CNTNAP2: variants seen among roughly 807,000 people sequenced by gnomAD.
CNTNAP2 encodes contactin associated protein 2.
CNTNAP2 carries 98 observed loss-of-function variants against 155.2 expected under a neutral mutation model. The ratio of observed to expected loss-of-function variants is 0.63; its 90% CI spans 0.54 to 0.75. CNTNAP2 has a LOEUF of 0.75. CNTNAP2 is among the 30% of genes least tolerant of loss of function. The pLI is 0.00. For synonymous variants in CNTNAP2, 651 were observed against 631.2 expected (o/e 1.03, Z -0.47); for missense variants, 1,727 against 1,688.1 (o/e 1.02, Z -0.40).
intron 1 of CNTNAP2, among the ~76,000 whole-genome samples, chr7:146,286,395 G>A (rs531969686): frequency 6.6e-6 from 1 of 151,936 alleles, no homozygotes; most frequent in Non-Finnish European, 1.5e-5. Flanking sequence ...GCTAGACAGT[G>A]GTAAATTCAT....
chr7:146,358,301 T>C (rs1208055786), intron 1 of CNTNAP2, among the ~76,000 whole-genome samples: 2 of 152,162 alleles, frequency 1.3e-5, no homozygotes, highest in Admixed American at 1.3e-4. Context: ...CCCAAAGTGC[T>C]GGGATTACAG....
At chr7:147,319,302 TATGTC>T (rs1795299173) in intron 9 of CNTNAP2, among the ~76,000 whole-genome samples, 1 of 152,208 alleles carries the variant, frequency 6.6e-6, no homozygotes, top group South Asian at 2.1e-4. Context: ...TCTCTTGTGT[TATGTC>T]AAAGTATATA....
chr7:148,079,743 G>C (rs1347707145), intron 15 of CNTNAP2, among the ~76,000 whole-genome samples: 3 of 152,176 alleles, frequency 2.0e-5, no homozygotes, highest in Non-Finnish European at 4.4e-5. Context: ...AGTCAGGCTG[G>C]ATTTGGGTGT....
intron 1 of CNTNAP2, among the ~76,000 whole-genome samples, chr7:146,349,949 G>A (rs1256169764): frequency 2.6e-5 from 4 of 151,644 alleles, no homozygotes; most frequent in Non-Finnish European, 5.9e-5. Flanking sequence ...TATGTGTCTT[G>A]GAGTTGCTCT....
chr7:146,893,887 T>C (rs897369560), intron 3 of CNTNAP2, among the ~76,000 whole-genome samples: 3 of 152,196 alleles, frequency 2.0e-5, no homozygotes, highest in African/African-American at 7.2e-5. Context: ...ATGTCAAAGA[T>C]GACATCCTGC....
chr7:146,495,737 T>C (rs1466215953), intron 1 of CNTNAP2, among the ~76,000 whole-genome samples: 1 of 152,178 alleles, frequency 6.6e-6, no homozygotes, highest in East Asian at 1.9e-4. Flanking sequence ...TCTAAGAATA[T>C]GCTTGTGCAG....
At chr7:147,646,905 G>A (rs1795374385) in intron 13 of CNTNAP2, among the ~76,000 whole-genome samples, 1 of 151,990 alleles carries the variant, frequency 6.6e-6, no homozygotes, top group South Asian at 2.1e-4. Context: ...GGTAATGGGA[G>A]GAGAAAGAAA....
In CNTNAP2 at chr7:146,137,136, G is replaced by C. The variant is rs1584767187; in HGVS notation, c.97+20163G>C. 2.0e-5 allele frequency among the ~76,000 whole-genome samples: 3 copies of C among 152,094 alleles called. No homozygotes were observed. The East Asian group carries it at 5.8e-4, about 29-fold the overall frequency. ...TTCTTGGGGTATCCTTTATAGAGTA[G>C]CCTTTGTCAAGTCTCATAAAAACAG... is the stretch of plus-strand genomic sequence containing the variant. On this transcript the variant is annotated intron_variant, in intron 1 of 23. Transcript: ENST00000361727.
chr7:146,978,630 C>A (rs1184527560), intron 3 of CNTNAP2, among the ~76,000 whole-genome samples: 1 of 151,934 alleles, frequency 6.6e-6, no homozygotes, highest in Non-Finnish European at 1.5e-5. Flanking sequence ...GGTATTTGAA[C>A]TCATTTTGCT....
intron 8 of CNTNAP2, among the ~76,000 whole-genome samples, chr7:147,198,358 G>T (rs574388143): frequency 4.7e-5 from 7 of 150,178 alleles, no homozygotes; most frequent in African/African-American, 1.2e-4. Flanking sequence ...CAGTCTCCAG[G>T]GTAGCTGAGA....
chr7:147,003,284 T>C (rs984144268), intron 3 of CNTNAP2, among the ~76,000 whole-genome samples: 2 of 151,922 alleles, frequency 1.3e-5, no homozygotes, highest in African/African-American at 4.8e-5. Flanking sequence ...GTGATTGATC[T>C]TGTACGTAAT....
At chr7:146,568,656 T>G (rs1798394285) in intron 1 of CNTNAP2, among the ~76,000 whole-genome samples, 1 of 152,210 alleles carries the variant, frequency 6.6e-6, no homozygotes, top group African/African-American at 2.4e-5. Flanking sequence ...ATGGTTTCTG[T>G]ACCTCTTCCT....
At chr7:147,098,551 T>C (rs754220451) in intron 4 of CNTNAP2, among the ~76,000 whole-genome samples, 53 of 152,334 alleles carry the variant, frequency 3.5e-4, no homozygotes, top group Admixed American at 2.7e-3. Context: ...CTTAGACATT[T>C]AATAATGGTT....
intron 8 of CNTNAP2, among the ~76,000 whole-genome samples, chr7:147,191,367 AAAGT>A (rs1232538182): frequency 3.3e-5 from 5 of 152,216 alleles, no homozygotes; most frequent in Non-Finnish European, 7.3e-5. Flanking sequence ...TGAGAAGACA[AAAGT>A]AAGATCAAAT....
chr7:147,349,422 T>C (rs891036742), intron 9 of CNTNAP2, among the ~76,000 whole-genome samples: 11 of 151,924 alleles, frequency 7.2e-5, no homozygotes, highest in African/African-American at 2.7e-4. Flanking sequence ...AGTTAAACAA[T>C]ATTTTTCCTT....
Position 148,395,148 on chromosome 7 carries a change from G to A in CNTNAP2, c.3715+11260G>A, listed in dbSNP as rs1482487619. Among the ~76,000 whole-genome samples the A allele has an allele frequency of 7.4e-5, 5 of 67,716 alleles. No homozygotes were observed. The East Asian group carries it at 1.6e-3, about 22-fold the overall frequency. The allele number at this position is 67,716 out of a possible 152,430, so 44.4% of individuals were successfully genotyped here. ...CCCCCCCTTATTGATTAGATTATGT[G>A]GCTTTTTTTTTTTCTTTTCTCAAAG... On this transcript the variant is annotated intron_variant, in intron 22 of 23. Coordinates refer to ENST00000361727, the MANE Select transcript of CNTNAP2 (RefSeq NM_014141.6).
At chr7:147,751,172 C>T (rs1177830342) in intron 13 of CNTNAP2, among the ~76,000 whole-genome samples, 1 of 151,708 alleles carries the variant, frequency 6.6e-6, no homozygotes, top group Admixed American at 6.6e-5. Flanking sequence ...TCTCCCAGAT[C>T]CTGTCTTTTA....
intron 3 of CNTNAP2, among the ~76,000 whole-genome samples, chr7:146,978,093 G>A (rs1797947575): frequency 6.6e-6 from 1 of 152,124 alleles, no homozygotes; most frequent in Non-Finnish European, 1.5e-5. Context: ...ATTAGCTGTG[G>A]ATAGGAGCCC....
In CNTNAP2 at chr7:148,002,354, T is replaced by A. The variant is rs554866163; in HGVS notation, c.2383+24365T>A. Among the ~76,000 whole-genome samples, 15 of 152,298 alleles carry A rather than the reference T, an allele frequency of 9.8e-5. No individual in the cohort carries two copies. In the South Asian group the frequency reaches 3.1e-3, roughly 32 times the overall value. ...TATATATTTAGAACCAGCATTTCAA[T>A]GGCTCTTTACCTTTTCTTAAGAATT... is the stretch of plus-strand genomic sequence containing the variant. On this transcript the variant is annotated intron_variant, in intron 15 of 23. Coordinates refer to ENST00000361727, the MANE Select transcript of CNTNAP2 (RefSeq NM_014141.6).
Sources: allele counts gnomAD v4.1 joint callset (sites outside exome capture counted in the v4.1 genomes callset), GRCh38; gene constraint gnomAD v4.1.1; transcripts MANE v1.5; gene names NCBI Gene and HGNC (gene_info 2026-07-23, HGNC 2026-07-21).